Variants in KLHL29 observed in about 807,000 individuals in gnomAD.
KLHL29 encodes the protein kelch-like protein 29.
KLHL29 carries 21 observed loss-of-function variants against 80.4 expected under a neutral mutation model. That is an observed-to-expected ratio of 0.26 (90% CI 0.19 to 0.38). The LOEUF is 0.38. Among genes scored for constraint, KLHL29 ranks in the 10% least tolerant of loss-of-function variants. The pLI, the probability that KLHL29 is intolerant of heterozygous loss-of-function variation, is 1.00. For missense variants in KLHL29, 867 were observed against 1,223.9 expected (o/e 0.71, Z 4.35); for synonymous variants, 511 against 526.8 (o/e 0.97, Z 0.41).
intron 1 of KLHL29, among the ~76,000 whole-genome samples, chr2:23,386,479 T>G (rs1309397761): frequency 6.6e-6 from 1 of 151,914 alleles, no homozygotes; most frequent in East Asian, 1.9e-4. Flanking sequence ...CAGCGTGTTG[T>G]GGGGGGACGC....
At chr2:23,604,608 A>G (rs1020318004) in intron 3 of KLHL29, among the ~76,000 whole-genome samples, 3 of 152,048 alleles carry the variant, frequency 2.0e-5, no homozygotes, top group Non-Finnish European at 4.4e-5. Context: ...TGACACTACC[A>G]TGTCCTGAGA....
chr2:23,429,114 C>T (rs1663092736), intron 1 of KLHL29, among the ~76,000 whole-genome samples: 1 of 152,218 alleles, frequency 6.6e-6, no homozygotes, highest in African/African-American at 2.4e-5. Flanking sequence ...CACCTCTCCC[C>T]AACACCAGCC....
rs143915050 is a variant in KLHL29 at position 23,498,578 on chromosome 2, C to T, written c.-46+22911C>T. ...GCAGACTGGAAGAACTTAGTCCTGCCCTGACCAACACCCAGCTTTCTCAGC... is the reference window on the plus strand; with the variant it reads ...GCAGACTGGAAGAACTTAGTCCTGCTCTGACCAACACCCAGCTTTCTCAGC... On this transcript the variant is annotated intron_variant, in intron 2 of 13. Coordinates refer to ENST00000486442, the MANE Select transcript of KLHL29 (RefSeq NM_052920.2). Among the ~76,000 whole-genome samples, 12 of 152,330 alleles carry T rather than the reference C, an allele frequency of 7.9e-5. No individual in the cohort carries two copies. In the East Asian group the frequency reaches 1.7e-3, roughly 22 times the overall value.
intron 1 of KLHL29, among the ~76,000 whole-genome samples, chr2:23,446,397 C>T (rs1370094964): frequency 6.6e-6 from 1 of 152,284 alleles, no homozygotes; most frequent in Non-Finnish European, 1.5e-5. Flanking sequence ...TTCATCTTGA[C>T]CCAGGACAGT....
At chr2:23,424,836 C>G (rs753124301) in intron 1 of KLHL29, among the ~76,000 whole-genome samples, 15 of 152,230 alleles carry the variant, frequency 9.9e-5, no homozygotes, top group Non-Finnish European at 1.6e-4. Flanking sequence ...TTGAACATTA[C>G]TAAAACACTG....
At chr2:23,663,071 G>T (rs192338892) in intron 5 of KLHL29, among the ~76,000 whole-genome samples, 3 of 152,246 alleles carry the variant, frequency 2.0e-5, no homozygotes, top group Admixed American at 2.0e-4. Context: ...CTCCGAGAGG[G>T]TGGCAGGTGG....
chr2:23,500,716 G>A (rs1251295888), intron 2 of KLHL29, among the ~76,000 whole-genome samples: 2 of 152,136 alleles, frequency 1.3e-5, no homozygotes, highest in African/African-American at 4.8e-5. Flanking sequence ...TTTTGAGTTT[G>A]GAAACATAAT....
At chr2:23,500,809 A>G (rs2103454375) in intron 2 of KLHL29, among the ~76,000 whole-genome samples, 1 of 152,342 alleles carries the variant, frequency 6.6e-6, no homozygotes, top group Non-Finnish European at 1.5e-5. Context: ...TAAAAGAGAA[A>G]TCAGGATTTC....
intron 6 of KLHL29, among the ~76,000 whole-genome samples, chr2:23,688,092 G>A (rs973619108): frequency 6.6e-6 from 1 of 152,174 alleles, no homozygotes; most frequent in Non-Finnish European, 1.5e-5. Context: ...GAGTGGACAG[G>A]TGTGGCTTGG....
At chr2:23,431,372 T>A (rs1012311018) in intron 1 of KLHL29, among the ~76,000 whole-genome samples, 1 of 152,258 alleles carries the variant, frequency 6.6e-6, no homozygotes, top group African/African-American at 2.4e-5. Context: ...TGGAGGCTTC[T>A]GATTTCATTA....
At chr2:23,550,946 A>G (rs1667108092) in intron 2 of KLHL29, among the ~76,000 whole-genome samples, 1 of 152,268 alleles carries the variant, frequency 6.6e-6, no homozygotes, top group Non-Finnish European at 1.5e-5. Context: ...GGAAAGTTAC[A>G]GCAAAATCCA....
chr2:23,682,406 G>A lies in KLHL29; in HGVS notation c.941-1993G>A, dbSNP rs532225765. 7.6e-4 allele frequency among the ~76,000 whole-genome samples: 115 copies of A among 152,252 alleles called. No individual in the cohort carries two copies. Among genetic ancestry groups the A allele is most frequent in the Admixed American group, 1.8e-3 (28 of 15,298 alleles). ...CAGGTTCACCCTCAGGTCTGGCTTCGAGGCTCAACTCTCTGCACGGCGCTA... is the reference window on the plus strand; with the variant it reads ...CAGGTTCACCCTCAGGTCTGGCTTCAAGGCTCAACTCTCTGCACGGCGCTA... On this transcript the variant is annotated intron_variant, in intron 5 of 13. Transcript: ENST00000486442. This position sits in a 1 kb window ranked among gnomAD's most constrained non-coding sequence, Gnocchi z 4.1.
intron 5 of KLHL29, among the ~76,000 whole-genome samples, chr2:23,679,051 T>TAAA (rs56061720): frequency 2.1e-5 from 3 of 141,742 alleles, no homozygotes; most frequent in African/African-American, 2.8e-5. Context: ...TTACCACAAC[T>TAAA]AAAAAAAAAA....
At position 23,642,458 on chromosome 2, in the gene KLHL29, T is replaced by C. The variant is rs558879594; in HGVS notation, c.548T>C (p.Ile183Thr). Residue 183 changes from isoleucine (I) to threonine (T), a missense_variant, in exon 5 of 14, where the codon ATT (isoleucine) becomes ACT (threonine). By Grantham distance (89) the Ile-to-Thr change is moderately conservative. Around this residue, in one of 2 missense-constraint regions of KLHL29, gnomAD observed 424 missense variants for 456.9 expected, o/e 0.93. Coordinates refer to ENST00000486442, the MANE Select transcript of KLHL29 (RefSeq NM_052920.2). Reference sequence around the variant, plus strand: ...GCTGTGAACGTCCAGGCCCCGGTCATTGGGGTGACCCCCTCACTGCCTCCC... The same window carrying C: ...GCTGTGAACGTCCAGGCCCCGGTCACTGGGGTGACCCCCTCACTGCCTCCC... Reference protein sequence around the residue: ...SPAVNVQAPVIGVTPSLPPHV... With the variant: ...SPAVNVQAPVTGVTPSLPPHV... The C allele has an allele frequency of 9.9e-6, 15 of 1,510,160 alleles. No homozygotes were observed. Among genetic ancestry groups the C allele is most frequent in the East Asian group, 2.5e-5 (1 of 40,426 alleles). 93.5% of individuals were successfully genotyped at this position (1,510,160 alleles called of 1,614,324 possible). A position where few individuals can be genotyped will look rare whatever the true frequency, so the allele number is the denominator to read the frequency against.
At chr2:23,605,107 C>CTTTTTTTTTTTTTTT (rs386389703) in intron 3 of KLHL29, among the ~76,000 whole-genome samples, 1 of 92,478 alleles carries the variant, frequency 1.1e-5, no homozygotes, top group Non-Finnish European at 2.0e-5. Context: ...TCCTTTGTTG[C>CTTTTTTTTTTTTTTT]TTTTTTTTTT....
chr2:23,457,023 G>C lies in KLHL29; in HGVS notation c.-153-18537G>C, dbSNP rs917717610. 5.9e-5 allele frequency among the ~76,000 whole-genome samples: 9 copies of C among 152,244 alleles called. No individual in the cohort carries two copies. The highest frequency in any genetic ancestry group is 1.3e-4 in the Non-Finnish European group (9 of 68,050). On this transcript the variant is annotated intron_variant, in intron 1 of 13. Transcript: ENST00000486442. The surrounding 1 kb of genome is among the most constrained non-coding windows in gnomAD (Gnocchi z 4.3). ...CAGGGTGGCGGCATCTCAGGTGTCA[G>C]GGCCGGAGCAGCAGAGGTCGAGGCC...
At chr2:23,510,161 G>A (rs1342788875) in intron 2 of KLHL29, among the ~76,000 whole-genome samples, 1 of 152,142 alleles carries the variant, frequency 6.6e-6, no homozygotes. Flanking sequence ...CATGTGCTCA[G>A]TGACAGGGGA....
At chr2:23,662,049 A>G (rs369422463) in intron 5 of KLHL29, among the ~76,000 whole-genome samples, 1 of 152,196 alleles carries the variant, frequency 6.6e-6, no homozygotes, top group East Asian at 1.9e-4. Context: ...TGCCCACAGT[A>G]CTGAAGCACA....
intron 1 of KLHL29, among the ~76,000 whole-genome samples, chr2:23,429,455 A>C (rs1306101420): frequency 6.6e-6 from 1 of 152,220 alleles, no homozygotes; most frequent in Non-Finnish European, 1.5e-5. Context: ...TTGCCTCATC[A>C]AAAGTTTGTG....
Sources: gnomAD v4.1 joint callset for allele counts (sites outside exome capture counted in the v4.1 genomes callset) on GRCh38, gnomAD v4.1.1 for gene constraint, gnomAD v4.1.1 regional missense constraint, Gnocchi (gnomAD v3.1) non-coding constraint, MANE v1.5 for transcripts, NCBI Gene and HGNC (gene_info 2026-07-23, HGNC 2026-07-21) for gene names.